Variants in NBAS observed in about 807,000 individuals in gnomAD.
NBAS encodes the protein NAG/BC035112 fusion.
Under a neutral mutation model 302.5 loss-of-function variants are expected in NBAS, and 219 were observed. The observed-to-expected ratio is 0.72, with a 90% CI of 0.65 to 0.81. The LOEUF is 0.81. NBAS is among the 30% of genes least tolerant of loss of function. The probability of loss-of-function intolerance (pLI) is 0.00; values close to 1 mark genes in which losing one functional copy is unlikely to be tolerated. For missense variants in NBAS, 2,932 were observed against 2,841.6 expected, an observed-to-expected ratio of 1.03 and a Z score of -0.72; for synonymous variants, 1,118 against 1,021.6, an observed-to-expected ratio of 1.09 and a Z score of -1.80.
the NBAS span, among the ~76,000 whole-genome samples, chr2:15,054,110 C>A: frequency 1.5e-4 from 23 of 152,292 alleles, 2 homozygotes; most frequent in South Asian, 4.8e-3. Flanking sequence ...TTTAGAAGCA[C>A]TCCATGCTAC....
chr2:15,144,031 A>ATT, the NBAS span, among the ~76,000 whole-genome samples: 1 of 120,532 alleles, frequency 8.3e-6, no homozygotes, highest in East Asian at 2.5e-4. Context: ...ATATATATAT[A>ATT]TTATCCTATA....
Position 15,481,713 on chromosome 2 carries a change from T to C in NBAS, c.1084-3424A>G, listed in dbSNP as rs114612072. ...CCCCAAAGTATAACAGCATTGCATG[T>C]TGAGTACTTTCAACTGAAGCAACCG... On this transcript the variant is annotated intron_variant, in intron 12 of 51. Coordinates refer to ENST00000281513, the MANE Select transcript of NBAS (RefSeq NM_015909.4). Among the ~76,000 whole-genome samples, 1,009 of 151,590 alleles carry C rather than the reference T, an allele frequency of 6.7e-3. 10 individuals are homozygous for C. The highest frequency in any genetic ancestry group is 0.023 in the African/African-American group (920 of 40,876).
At chr2:15,531,024 C>A (rs780856735) in intron 9 of NBAS, among the ~76,000 whole-genome samples, 1 of 152,048 alleles carries the variant, frequency 6.6e-6, no homozygotes, top group African/African-American at 2.4e-5. Context: ...TAGAACAATA[C>A]CTTCAAAATT....
At chr2:14,961,920 C>A in the NBAS span, among the ~76,000 whole-genome samples, 1 of 152,130 alleles carries the variant, frequency 6.6e-6, no homozygotes, top group East Asian at 1.9e-4. Flanking sequence ...GCTAGGATTA[C>A]AGGTGCCCGC....
chr2:14,898,724 C>A, the NBAS span, among the ~76,000 whole-genome samples: 1 of 152,182 alleles, frequency 6.6e-6, no homozygotes, highest in Non-Finnish European at 1.5e-5. Context: ...CCATATAAGA[C>A]CGAACTTGTT....
At chr2:15,413,397 CAAAT>C (rs1363632654) in intron 25 of NBAS, among the ~76,000 whole-genome samples, 1 of 151,806 alleles carries the variant, frequency 6.6e-6, no homozygotes, top group African/African-American at 2.4e-5. Context: ...AATATGTAAG[CAAAT>C]AAATACAGCA....
At chr2:15,504,507 G>T (rs768869594) in intron 10 of NBAS, among the ~76,000 whole-genome samples, 4 of 152,016 alleles carry the variant, frequency 2.6e-5, no homozygotes, top group Non-Finnish European at 5.9e-5. Context: ...CTCAAGTAAG[G>T]CTGCCCAAGG....
At chr2:15,144,319 C>G in the NBAS span, among the ~76,000 whole-genome samples, 1 of 152,010 alleles carries the variant, frequency 6.6e-6, no homozygotes, top group African/African-American at 2.4e-5. Context: ...AGGCTCAACC[C>G]AGGAAAGCCT....
rs192462719 is a variant in NBAS at position 15,358,202 on chromosome 2, C to T, written c.3818-1786G>A. 4.2e-4 allele frequency among the ~76,000 whole-genome samples: 64 copies of T among 152,168 alleles called. 1 individual carries two copies. In the East Asian group the frequency reaches 5.0e-3, roughly 12 times the overall value. On this transcript the variant is annotated intron_variant, in intron 32 of 51. Transcript: ENST00000281513. ...ACTCACCTGCGCTGCCCAGCCCAGC[C>T]GGCATACTTTACCACAGATATCAAT...
the NBAS span, among the ~76,000 whole-genome samples, chr2:14,817,012 A>G: frequency 6.6e-6 from 1 of 152,288 alleles, no homozygotes; most frequent in East Asian, 1.9e-4. Flanking sequence ...GTGACTCCAT[A>G]AAATAATTAG....
the NBAS span, among the ~76,000 whole-genome samples, chr2:14,848,136 C>T: frequency 6.6e-5 from 10 of 152,096 alleles, no homozygotes; most frequent in Non-Finnish European, 8.8e-5. Context: ...ACGCAGAAGA[C>T]GGGTGATTTC....
At chr2:15,397,740 G>A (rs538951628) in intron 26 of NBAS, 7 of 297,560 alleles carry the variant, frequency 2.4e-5, no homozygotes, top group African/African-American at 1.1e-4. Context: ...ATGTGGCTGT[G>A]GCCCTTTTTG....
At position 15,167,193 on chromosome 2, in the gene NBAS, C is replaced by T. The variant is rs150030912; in HGVS notation, c.6971G>A (p.Arg2324His). Residue 2324 changes from arginine to histidine, a missense_variant, in exon 52 of 52, where the codon CGC becomes CAC. Arg to His is a conservative substitution (Grantham distance 29). Transcript: ENST00000281513. Reference sequence around the variant, plus strand: ...TCTGCCCAGCTCCTCTGCATCCCAGCGCCCTTGCTGGAGGCTAGCCAAGAG... The same window carrying T: ...TCTGCCCAGCTCCTCTGCATCCCAGTGCCCTTGCTGGAGGCTAGCCAAGAG... ...DHLLASLQQG[R>H]WDAEELGRHL... 93 of 1,614,124 alleles carry T rather than the reference C, an allele frequency of 5.8e-5. No individual in the cohort carries two copies. Among genetic ancestry groups the T allele is most frequent in the South Asian group, 9.9e-5 (9 of 91,094 alleles).
the NBAS span, among the ~76,000 whole-genome samples, chr2:14,814,306 C>T: frequency 6.6e-6 from 1 of 152,196 alleles, no homozygotes; most frequent in Admixed American, 6.5e-5. Flanking sequence ...ACAGTTTGCA[C>T]AGTGTGCCTA....
At chr2:14,838,914 G>A in the NBAS span, among the ~76,000 whole-genome samples, 84 of 152,088 alleles carry the variant, frequency 5.5e-4, 1 homozygote, top group African/African-American at 1.9e-3. Flanking sequence ...AATACCTGTA[G>A]GATAGTAGAA....
chr2:15,424,124 T>C (rs1177061284), intron 23 of NBAS, among the ~76,000 whole-genome samples, 191 bp downstream of exon 23: 5 of 152,228 alleles, frequency 3.3e-5, no homozygotes, highest in Admixed American at 6.5e-5. Context: ...ACCTGCTCTG[T>C]AAGAATCCAA....
chr2:14,882,273 T>C, the NBAS span, among the ~76,000 whole-genome samples: 1 of 152,194 alleles, frequency 6.6e-6, no homozygotes, highest in Non-Finnish European at 1.5e-5. Flanking sequence ...AGGATTCATT[T>C]TGTCCTTCTA....
the NBAS span, among the ~76,000 whole-genome samples, chr2:14,972,372 C>G: frequency 1.3e-4 from 20 of 151,950 alleles, no homozygotes; most frequent in African/African-American, 4.8e-4. Context: ...CACACAAATA[C>G]CTATGTAACA....
At chr2:14,896,566 T>C in the NBAS span, among the ~76,000 whole-genome samples, 2 of 152,152 alleles carry the variant, frequency 1.3e-5, no homozygotes, top group Non-Finnish European at 2.9e-5. Flanking sequence ...AGAAACACAC[T>C]GCAGAGTTCT....
Sources: gnomAD v4.1 joint callset for allele counts (sites outside exome capture counted in the v4.1 genomes callset) on GRCh38, gnomAD v4.1.1 for gene constraint, MANE v1.5 for transcripts, NCBI Gene and HGNC (gene_info 2026-07-23, HGNC 2026-07-21) for gene names.